Variants in KALRN observed in about 807,000 individuals in gnomAD.
The protein encoded by KALRN is kalirin.
In KALRN, 70 loss-of-function variants were observed where a neutral mutation model predicts 353.7. The observed-to-expected ratio is 0.20, with a 90% confidence interval of 0.16 to 0.24. The LOEUF (loss-of-function observed/expected upper bound fraction) is 0.24. Ranked by LOEUF, KALRN falls within the 10% of genes least tolerant of loss-of-function variation. The pLI is 1.00. For synonymous variants in KALRN, 1,391 were observed against 1,434.8 expected, an observed-to-expected ratio of 0.97 and a Z score of 0.69; for missense variants, 2,791 against 3,756.7, an observed-to-expected ratio of 0.74 and a Z score of 6.72.
At position 124,702,032 on chromosome 3, in the gene KALRN, C is replaced by T. The variant is rs746649884; in HGVS notation, c.7997-6C>T. 6.8e-6 allele frequency: 11 copies of T among 1,611,388 alleles called. No homozygotes were observed. Among genetic ancestry groups the T allele is most frequent in the Non-Finnish European group, 9.3e-6 (11 of 1,178,008 alleles). ...ATATTGTAAATGGATTCTCTTTCTTCCGAAGATGCTGCTGCTGATGGTGCC... is the reference window on the plus strand; with the variant it reads ...ATATTGTAAATGGATTCTCTTTCTTTCGAAGATGCTGCTGCTGATGGTGCC... On this transcript the variant is annotated splice_polypyrimidine_tract_variant and splice_region_variant and intron_variant, in intron 56 of 59. Transcript: ENST00000682506.
intron 5 of KALRN, among the ~76,000 whole-genome samples, chr3:124,282,233 G>A (rs2075408742): frequency 6.6e-6 from 1 of 152,126 alleles, no homozygotes; most frequent in African/African-American, 2.4e-5. Flanking sequence ...AATTCCCGAA[G>A]ACATTTTGGA....
Position 124,679,531 on chromosome 3 carries a change from T to C in KALRN, c.7377+14T>C. 6.2e-7 allele frequency: 1 copy of C among 1,608,248 alleles called. No individual in the cohort carries two copies. The highest frequency in any genetic ancestry group is 8.5e-7 in the Non-Finnish European group (1 of 1,174,516). ...ACTAGCATGGAGGTAGAAGCAGCTA[T>C]TGTTGTCCTATTTCCTACAATGATT... On this transcript the variant is annotated intron_variant, in intron 51 of 59. Coordinates refer to ENST00000682506, the MANE Select transcript of KALRN (RefSeq NM_001388419.1).
chr3:124,088,179 ATTG>A (rs2060922908), intron 1 of KALRN, among the ~76,000 whole-genome samples: 1 of 152,028 alleles, frequency 6.6e-6, no homozygotes. Flanking sequence ...ATGCCAAATA[ATTG>A]TTGTTCACTA....
At chr3:124,395,448 G>A (rs2090037233) in intron 12 of KALRN, 105 bp downstream of exon 12, 1 of 875,490 alleles carries the variant, frequency 1.1e-6, no homozygotes, top group Admixed American at 2.3e-5. Context: ...GGTCTTGTGT[G>A]AGCTTCGGTT....
intron 1 of KALRN, among the ~76,000 whole-genome samples, chr3:124,196,469 A>G (rs912714373): frequency 6.6e-6 from 1 of 152,208 alleles, no homozygotes; most frequent in African/African-American, 2.4e-5. Context: ...GGAATTTTTT[A>G]TAAGCTCATA....
chr3:124,518,655 G>C, intron 33 of KALRN: 28 of 1,448,368 alleles, frequency 1.9e-5, no homozygotes, highest in Non-Finnish European at 2.4e-5. Flanking sequence ...CACCCTCGGG[G>C]CTCCCTTCTT....
At chr3:124,422,762 C>T (rs1362483459) in intron 14 of KALRN, 50 bp from the exon 15 acceptor site, 3 of 1,486,438 alleles carry the variant, frequency 2.0e-6, no homozygotes, top group Non-Finnish European at 2.8e-6. Flanking sequence ...GGGAATGTAG[C>T]CTTCACAGTA....
At chr3:124,122,419 CACTTT>C (rs1032232007) in intron 1 of KALRN, among the ~76,000 whole-genome samples, 1 of 152,094 alleles carries the variant, frequency 6.6e-6, no homozygotes, top group African/African-American at 2.4e-5. Context: ...CACTTTATTG[CACTTT>C]ACTTTATTGC....
intron 13 of KALRN, among the ~76,000 whole-genome samples, chr3:124,404,685 C>A (rs2091310251): frequency 7.1e-6 from 1 of 140,732 alleles, no homozygotes; most frequent in African/African-American, 2.6e-5. Context: ...AGTTCTTCTG[C>A]CTGTGAAAAT....
intron 34 of KALRN, among the ~76,000 whole-genome samples, chr3:124,627,278 C>T (rs72964647): frequency 5.3e-4 from 80 of 152,298 alleles, no homozygotes; most frequent in African/African-American, 1.9e-3. Flanking sequence ...CTGAGATTCC[C>T]ATAACTTGGG....
intron 1 of KALRN, among the ~76,000 whole-genome samples, chr3:124,056,387 C>T (rs191690131): frequency 8.1e-4 from 123 of 152,154 alleles, no homozygotes; most frequent in Middle Eastern, 6.8e-3. Flanking sequence ...GGGGTATGTC[C>T]CCAGCCTGGA....
chr3:124,622,480 C>T lies in KALRN; in HGVS notation c.5183-9940C>T, dbSNP rs569513315. ...GAACTCCAGAAGAATGGATTGAAAC[C>T]GAGTTTTTTCATTTTTGAGTTGTAC... is the stretch of plus-strand genomic sequence containing the variant. On this transcript the variant is annotated intron_variant, in intron 34 of 59. Coordinates refer to ENST00000682506, the MANE Select transcript of KALRN (RefSeq NM_001388419.1). Among the ~76,000 whole-genome samples, 9 of 152,202 alleles carry T rather than the reference C, an allele frequency of 5.9e-5. 1 individual carries two copies. The South Asian group carries it at 6.2e-4, about 11-fold the overall frequency.
At chr3:124,129,810 T>G (rs2065084822) in intron 1 of KALRN, among the ~76,000 whole-genome samples, 1 of 152,142 alleles carries the variant, frequency 6.6e-6, no homozygotes, top group African/African-American at 2.4e-5. Flanking sequence ...AAAGCCAAGG[T>G]CATCAGTGAA....
intron 10 of KALRN, among the ~76,000 whole-genome samples, chr3:124,367,484 G>A (rs1438328165): frequency 2.0e-5 from 2 of 99,240 alleles, no homozygotes; most frequent in Non-Finnish European, 4.1e-5. Flanking sequence ...CCTCCCTCCC[G>A]GACGGGGCAG....
chr3:124,127,856 T>C (rs913690846), intron 1 of KALRN, among the ~76,000 whole-genome samples: 7 of 152,230 alleles, frequency 4.6e-5, no homozygotes, highest in Non-Finnish European at 1.0e-4. Flanking sequence ...GAGACAGCAG[T>C]TATTACTATC....
intron 27 of KALRN, among the ~76,000 whole-genome samples, chr3:124,480,922 G>T (rs72626358): frequency 0.15 from 22,202 of 152,130 alleles, 2,443 homozygotes; most frequent in East Asian, 0.5. Context: ...TTCATTGTAT[G>T]AATATTCTAC....
intron 1 of KALRN, among the ~76,000 whole-genome samples, chr3:124,178,499 T>C (rs2073098933): frequency 1.3e-5 from 2 of 152,196 alleles, no homozygotes; most frequent in Non-Finnish European, 2.9e-5. Context: ...ACCTAGGCTG[T>C]ATGGTATAGC....
chr3:124,453,026 T>C (rs1325129688), intron 21 of KALRN, among the ~76,000 whole-genome samples: 1 of 151,756 alleles, frequency 6.6e-6, no homozygotes, highest in Non-Finnish European at 1.5e-5. Flanking sequence ...TCAGGAAAAA[T>C]AAAAATAAAA....
At chr3:124,181,807 C>T (rs1042645497) in intron 1 of KALRN, among the ~76,000 whole-genome samples, 1 of 152,190 alleles carries the variant, frequency 6.6e-6, no homozygotes, top group East Asian at 1.9e-4. Context: ...GGGACAGGAG[C>T]ACAGCATCTC....
Sources: allele counts gnomAD v4.1 joint callset (sites outside exome capture counted in the v4.1 genomes callset), GRCh38; gene constraint gnomAD v4.1.1; transcripts MANE v1.5; gene names NCBI Gene and HGNC (gene_info 2026-07-23, HGNC 2026-07-21).